CCM2: variants seen among roughly 807,000 people sequenced by gnomAD.
CCM2 encodes CCM2 scaffold protein.
Under a neutral mutation model 44.9 loss-of-function variants are expected in CCM2, and 25 were observed. That is an observed-to-expected ratio of 0.56 (90% confidence interval 0.41 to 0.78). CCM2 has a LOEUF of 0.78. Among genes scored for constraint, CCM2 ranks in the 30% least tolerant of loss-of-function variants. CCM2 has a pLI of 0.00. For synonymous variants in CCM2, 219 were observed against 241.1 expected (o/e 0.91, Z 0.85); for missense variants, 481 against 580.6 (o/e 0.83, Z 1.76).
At chr7:45,031,358 G>A (rs906205644) in intron 1 of CCM2, among the ~76,000 whole-genome samples, 37 of 149,180 alleles carry the variant, frequency 2.5e-4, no homozygotes, top group African/African-American at 2.5e-5. Flanking sequence ...CTCCAGCCTG[G>A]GCTGTATAGT....
chr7:45,027,730 G>C (rs369487153), intron 1 of CCM2: 1 of 1,614,122 alleles, frequency 6.2e-7, no homozygotes, highest in East Asian at 2.2e-5. Flanking sequence ...CGGCAGAGGA[G>C]GAACCAGAAT....
At chr7:45,051,820 C>G (rs1018456450) in intron 2 of CCM2, among the ~76,000 whole-genome samples, 1 of 151,970 alleles carries the variant, frequency 6.6e-6, no homozygotes, top group Non-Finnish European at 1.5e-5. Flanking sequence ...CTCGGCCCCC[C>G]AAAATGCTGG....
intron 1 of CCM2, among the ~76,000 whole-genome samples, chr7:45,003,728 C>CAAA (rs59817510): frequency 7.2e-6 from 1 of 139,804 alleles, no homozygotes. Flanking sequence ...ACTCCATCTC[C>CAAA]AAAAAAAAAA....
At chr7:45,005,027 C>T (rs1489971738) in intron 1 of CCM2, among the ~76,000 whole-genome samples, 1 of 151,532 alleles carries the variant, frequency 6.6e-6, no homozygotes, top group African/African-American at 2.4e-5. Context: ...TGGTCATGAC[C>T]CACTAAACCG....
At chr7:45,019,227 G>GAGC (rs1796387026) in intron 1 of CCM2, among the ~76,000 whole-genome samples, 2 of 151,728 alleles carry the variant, frequency 1.3e-5, no homozygotes, top group African/African-American at 4.8e-5. Flanking sequence ...ATGCACCACT[G>GAGC]TGCCCGGCTA....
intron 2 of CCM2, among the ~76,000 whole-genome samples, chr7:45,054,695 G>T (rs1256552639): frequency 6.6e-6 from 1 of 152,202 alleles, no homozygotes; most frequent in South Asian, 2.1e-4. Flanking sequence ...AACTGATGGA[G>T]CTGATGGCTG....
At position 45,070,277 on chromosome 7, in the gene CCM2, G is replaced by C. The variant is rs376792634; in HGVS notation, c.745+316G>C. The C allele has an allele frequency of 4.7e-4, 186 of 395,628 alleles. 1 individual carries two copies. The East Asian group carries it at 9.7e-3, about 21-fold the overall frequency. 24.5% of individuals were successfully genotyped at this position (395,628 alleles called of 1,614,324 possible). A position where few individuals can be genotyped will look rare whatever the true frequency, so the allele number is the denominator to read the frequency against. The stretch of plus-strand genomic sequence containing the variant: ...ACTCGGAACAAAGAGCTTGGAGAAG[G>C]CTCCTAGCACTGGGGCCTGTGATGG... On this transcript the variant is annotated intron_variant, in intron 6 of 9. Transcript: ENST00000258781.
At chr7:45,001,387 C>G (rs1055881591) in intron 1 of CCM2, among the ~76,000 whole-genome samples, 1 of 152,186 alleles carries the variant, frequency 6.6e-6, no homozygotes, top group African/African-American at 2.4e-5. Context: ...TGTTTTAAGT[C>G]TGGAAAATAG....
chr7:45,074,420 C>T lies in CCM2; in HGVS notation c.1054+12C>T, dbSNP rs190686229. The T allele has an allele frequency of 4.2e-3, 6,778 of 1,610,342 alleles. 18 individuals are homozygous for T. The highest frequency in any genetic ancestry group is 5.2e-3 in the Non-Finnish European group (6,090 of 1,177,964). On this transcript the variant is annotated intron_variant, in intron 9 of 9. Coordinates refer to ENST00000258781, the MANE Select transcript of CCM2 (RefSeq NM_031443.4). ...GTTCCTGCTGCTTGGTGAGTGGGCC[C>T]TGGAAAGAGGGTGGCTTGTCCAAAC...
At chr7:45,057,911 GT>G (rs1423104813) in intron 2 of CCM2, among the ~76,000 whole-genome samples, 1 of 152,196 alleles carries the variant, frequency 6.6e-6, no homozygotes, top group Non-Finnish European at 1.5e-5. Flanking sequence ...CAATTCTGAA[GT>G]TTAGGTTGCC....
At chr7:45,075,424 T>G (rs1799294502) in intron 9 of CCM2, among the ~76,000 whole-genome samples, 1 of 152,246 alleles carries the variant, frequency 6.6e-6, no homozygotes, top group Non-Finnish European at 1.5e-5. Context: ...GGGCCTCAGC[T>G]TTCCCCACTG....
In CCM2 at chr7:45,028,215, G is replaced by A. The variant is rs186727777; in HGVS notation, c.31-10038G>A. On this transcript the variant is annotated intron_variant, in intron 1 of 9. Coordinates refer to ENST00000258781, the MANE Select transcript of CCM2 (RefSeq NM_031443.4). ...CCAAAGCTGGAATTTCATCCACGAA[G>A]CCTGCAACACTAGTGGGGTTCTGCT... 3.9e-5 allele frequency among the ~76,000 whole-genome samples: 6 copies of A among 152,328 alleles called. No individual in the cohort carries two copies. The East Asian group carries it at 1.2e-3, about 29-fold the overall frequency.
chr7:45,062,497 G>A (rs1798571177), intron 2 of CCM2, among the ~76,000 whole-genome samples: 1 of 152,166 alleles, frequency 6.6e-6, no homozygotes, highest in African/African-American at 2.4e-5. Context: ...TAAATGTTTT[G>A]TGCTGCTATA....
chr7:45,000,498 G>C (rs1480441452), intron 1 of CCM2, 135 bp downstream of exon 1: 1 of 559,000 alleles, frequency 1.8e-6, no homozygotes, highest in South Asian at 8.7e-5. Context: ...GGGCGGGGCA[G>C]GGCGAGACCC....
At chr7:45,005,558 A>G (rs1052161828) in intron 1 of CCM2, among the ~76,000 whole-genome samples, 2 of 150,514 alleles carry the variant, frequency 1.3e-5, no homozygotes. Flanking sequence ...GTCACTTTGC[A>G]GTGTAAGTAA....
intron 2 of CCM2, among the ~76,000 whole-genome samples, chr7:45,050,192 A>G (rs188294073): frequency 1.1e-3 from 166 of 152,376 alleles, no homozygotes; most frequent in Admixed American, 4.0e-3. Context: ...TGCAGTATTC[A>G]TACATTAACA....
chr7:45,068,234 C>T, intron 4 of CCM2: 1 of 631,674 alleles, frequency 1.6e-6, no homozygotes, highest in Non-Finnish European at 2.8e-6. Flanking sequence ...AGCTCTGGTG[C>T]CCTTGGAGCT....
intron 2 of CCM2, among the ~76,000 whole-genome samples, chr7:45,048,038 A>G (rs576822607): frequency 6.6e-6 from 1 of 152,234 alleles, no homozygotes; most frequent in East Asian, 1.9e-4. Flanking sequence ...AAAGAGAGGG[A>G]AAGTGGGAAT....
chr7:45,041,953 G>A (rs999765487), intron 2 of CCM2, among the ~76,000 whole-genome samples: 1 of 152,184 alleles, frequency 6.6e-6, no homozygotes, highest in African/African-American at 2.4e-5. Flanking sequence ...GCCAAGTAGG[G>A]AATCTGACCT....
Sources: gnomAD v4.1 joint callset for allele counts (sites outside exome capture counted in the v4.1 genomes callset) on GRCh38, gnomAD v4.1.1 for gene constraint, MANE v1.5 for transcripts, NCBI Gene and HGNC (gene_info 2026-07-23, HGNC 2026-07-21) for gene names.